The following NGEF variants were observed in gnomAD, a reference collection of about 807,000 sequenced individuals.
The protein encoded by NGEF is ephexin-1.
NGEF carries 31 observed loss-of-function variants against 80.9 expected under a neutral mutation model. The ratio of observed to expected loss-of-function variants is 0.38; its 90% CI spans 0.29 to 0.52. The LOEUF is 0.52. Ranked by LOEUF, NGEF falls within the 20% of genes least tolerant of loss-of-function variation. NGEF has a pLI of 0.84. For synonymous variants in NGEF, 371 were observed against 370.2 expected (o/e 1.00, Z -0.03); for missense variants, 709 against 926.2 (o/e 0.77, Z 3.04).
intron 5 of NGEF, among the ~76,000 whole-genome samples, chr2:232,903,656 C>T (rs1002780252): frequency 6.6e-6 from 1 of 152,204 alleles, no homozygotes; most frequent in East Asian, 1.9e-4. Context: ...TGCTTTCTAA[C>T]GCCTAGCTGA....
At chr2:232,986,545 A>G (rs1258821636) in intron 1 of NGEF, among the ~76,000 whole-genome samples, 1 of 152,242 alleles carries the variant, frequency 6.6e-6, no homozygotes, top group Non-Finnish European at 1.5e-5. Flanking sequence ...AAATCCTGCC[A>G]TTTGCAACAG....
intron 1 of NGEF, among the ~76,000 whole-genome samples, chr2:233,007,498 A>G (rs142257379): frequency 6.6e-6 from 1 of 152,238 alleles, no homozygotes; most frequent in African/African-American, 2.4e-5. Context: ...GTGCCTAGTG[A>G]AGGCTGAGAA....
At chr2:232,915,228 G>T in intron 5 of NGEF, among the ~76,000 whole-genome samples, 1 of 149,840 alleles carries the variant, frequency 6.7e-6, no homozygotes, top group Non-Finnish European at 1.5e-5. Context: ...GATTCCATTG[G>T]TAGTAGCTTA....
intron 1 of NGEF, among the ~76,000 whole-genome samples, chr2:232,995,790 GTATAA>G (rs1694828987): frequency 6.9e-6 from 1 of 144,806 alleles, no homozygotes; most frequent in African/African-American, 2.5e-5. Context: ...ATATGTATAT[GTATAA>G]TATATGTATA....
At chr2:232,956,977 G>T (rs1424630637) in intron 3 of NGEF, among the ~76,000 whole-genome samples, 1 of 151,784 alleles carries the variant, frequency 6.6e-6, no homozygotes. Flanking sequence ...ATTAAAGGGG[G>T]AAAAAAGATT....
rs926773962 is a variant in NGEF, at chr2:232,982,504, C to A, written c.-74-7540G>T. 2.0e-5 allele frequency among the ~76,000 whole-genome samples: 3 copies of A among 152,158 alleles called. No individual in the cohort carries two copies. In the East Asian group the frequency reaches 5.8e-4, roughly 29 times the overall value. Reference sequence around the variant, plus strand: ...CGTTAGCCTCTTCCCAGGTAGGAAGCACAGGTTTGTCTTGGGCCTTTTTTT... The same window carrying A: ...CGTTAGCCTCTTCCCAGGTAGGAAGAACAGGTTTGTCTTGGGCCTTTTTTT... On this transcript the variant is annotated intron_variant, in intron 1 of 14. Coordinates refer to ENST00000264051, the MANE Select transcript of NGEF (RefSeq NM_019850.3).
chr2:232,901,568 G>T, intron 5 of NGEF: 1 of 372,672 alleles, frequency 2.7e-6, no homozygotes, highest in Non-Finnish European at 3.7e-6. Context: ...GCAGACCGTG[G>T]ACTGAAGGGC....
chr2:232,999,785 G>A (rs970528274), intron 1 of NGEF, among the ~76,000 whole-genome samples: 3 of 152,232 alleles, frequency 2.0e-5, no homozygotes, highest in African/African-American at 7.2e-5. Context: ...CCAAAGCCCA[G>A]TGGGGATGTT....
At chr2:232,989,401 C>T (rs1265081674) in intron 1 of NGEF, among the ~76,000 whole-genome samples, 1 of 152,170 alleles carries the variant, frequency 6.6e-6, no homozygotes, top group Non-Finnish European at 1.5e-5. Context: ...GAGCTGAGAT[C>T]GTGCCACTGC....
At chr2:232,953,117 G>GATGGTGAA (rs1440790752) in intron 3 of NGEF, among the ~76,000 whole-genome samples, 3 of 150,944 alleles carry the variant, frequency 2.0e-5, no homozygotes, top group African/African-American at 7.3e-5. Context: ...GCCTGACCAA[G>GATGGTGAA]ATGGTGAAAC....
Position 232,899,810 on chromosome 2 carries a change from T to TCA in NGEF, c.829-4896_829-4895dup, listed in dbSNP as rs1272685783. On this transcript the variant is annotated intron_variant, in intron 5 of 14. Transcript: ENST00000264051. Reference sequence around the variant, plus strand: ...CTCACATTCACTCACACACACGCTCTCAGTCACTCATATACACGTTCACTC... The same window carrying TCA: ...CTCACATTCACTCACACACACGCTCTCACAGTCACTCATATACACGTTCACTC... Among the ~76,000 whole-genome samples, 11 of 102,044 alleles carry TCA rather than the reference T, an allele frequency of 1.1e-4. No homozygotes were observed. The South Asian group carries it at 1.9e-3, about 17-fold the overall frequency. The allele number at this position is 102,044 out of a possible 152,430, so 66.9% of individuals were successfully genotyped here. A position where few individuals can be genotyped will look rare whatever the true frequency, so the allele number is the denominator to read the frequency against.
In NGEF at chr2:232,926,050, GA is replaced by G. The variant is rs202129415; in HGVS notation, c.526+993del. 3.7e-3 allele frequency among the ~76,000 whole-genome samples: 568 copies of G among 152,298 alleles called. 1 individual carries two copies. Among genetic ancestry groups the G allele is most frequent in the African/African-American group, 0.013 (538 of 41,580 alleles). On this transcript the variant is annotated intron_variant, in intron 4 of 14. Transcript: ENST00000264051. ...TGCCAGGGAAGAGTGGGCTGCCCGG[GA>G]AAGGTCTCCCAAGCACGGGGTCTCC...
At chr2:233,000,460 A>G (rs965590692) in intron 1 of NGEF, among the ~76,000 whole-genome samples, 1 of 150,390 alleles carries the variant, frequency 6.6e-6, no homozygotes, top group African/African-American at 2.4e-5. Flanking sequence ...CCTGGTTTAA[A>G]CCTAAATGCC....
At chr2:232,936,006 A>G (rs560585259) in intron 3 of NGEF, among the ~76,000 whole-genome samples, 1 of 152,336 alleles carries the variant, frequency 6.6e-6, no homozygotes, top group South Asian at 2.1e-4. Flanking sequence ...AGGCAGAACC[A>G]GCAGTCGAAC....
At position 232,922,034 on chromosome 2, in the gene NGEF, T is replaced by G. The variant is rs1692958220; in HGVS notation, c.527-1449A>C. Reference sequence around the variant, plus strand: ...ATCGAGATGTACCCAGGCACCCAGGTGGAGGCCTCATGAGCAGCAGGATGT... The same window carrying G: ...ATCGAGATGTACCCAGGCACCCAGGGGGAGGCCTCATGAGCAGCAGGATGT... On this transcript the variant is annotated intron_variant, in intron 4 of 14. Transcript: ENST00000264051. Among the ~76,000 whole-genome samples, 2 of 152,142 alleles carry G rather than the reference T, an allele frequency of 1.3e-5. 1 individual carries two copies. Among genetic ancestry groups the G allele is most frequent in the South Asian group, 4.1e-4 (2 of 4,830 alleles).
chr2:232,906,031 GC>G (rs769291033), intron 5 of NGEF, among the ~76,000 whole-genome samples: 1 of 130,852 alleles, frequency 7.6e-6, no homozygotes, highest in Admixed American at 7.3e-5. Context: ...GGGGGGGTCA[GC>G]CCCCCGCCCG....
At chr2:232,887,146 G>A (rs1368762638) in intron 9 of NGEF, among the ~76,000 whole-genome samples, 1 of 152,230 alleles carries the variant, frequency 6.6e-6, no homozygotes, top group East Asian at 1.9e-4. Flanking sequence ...TGACAAAGAA[G>A]TGGAATATGG....
At chr2:232,995,594 CTG>C (rs368315312) in intron 1 of NGEF, among the ~76,000 whole-genome samples, 1 of 47,122 alleles carries the variant, frequency 2.1e-5, no homozygotes, top group African/African-American at 5.9e-5. Flanking sequence ...AGTATGTATA[CTG>C]TATATATATA....
intron 1 of NGEF, among the ~76,000 whole-genome samples, chr2:232,999,583 T>C (rs974512247): frequency 1.3e-5 from 2 of 152,372 alleles, no homozygotes; most frequent in Non-Finnish European, 2.9e-5. Context: ...AGACAGGGCA[T>C]GAGCCAGAGG....
Sources: allele counts gnomAD v4.1 joint callset (sites outside exome capture counted in the v4.1 genomes callset), GRCh38; gene constraint gnomAD v4.1.1; transcripts MANE v1.5; gene names NCBI Gene and HGNC (gene_info 2026-07-23, HGNC 2026-07-21).